GSE1: variants seen among roughly 807,000 people sequenced by gnomAD.
GSE1 encodes Gse1 coiled-coil protein, also known as genetic suppressor element 1.
Under a neutral mutation model 112.6 loss-of-function variants are expected in GSE1, and 32 were observed. That is an observed-to-expected ratio of 0.28 (90% CI 0.21 to 0.38). The LOEUF (loss-of-function observed/expected upper bound fraction) is 0.38, where lower values mean the gene tolerates loss of function less well. Ranked by LOEUF, GSE1 falls within the 10% of genes least tolerant of loss-of-function variation. GSE1 has a pLI of 1.00. For missense variants in GSE1, 2,348 were observed against 1,699.2 expected, an observed-to-expected ratio of 1.38 and a Z score of -6.71; for synonymous variants, 1,115 against 735.6, an observed-to-expected ratio of 1.52 and a Z score of -8.35.
At chr16:85,549,104 A>G (rs960251314) in intron 2 of GSE1, among the ~76,000 whole-genome samples, 1 of 151,818 alleles carries the variant, frequency 6.6e-6, no homozygotes, top group African/African-American at 2.4e-5. Context: ...TCTTAATTGC[A>G]TCTTCACAGA....
upstream of GSE1, among the ~76,000 whole-genome samples, chr16:85,554,445 T>C (rs1300862872): frequency 6.6e-6 from 1 of 152,120 alleles, no homozygotes; most frequent in East Asian, 1.9e-4. Flanking sequence ...AGTAATAGCA[T>C]TTATTAGGTC....
upstream of GSE1, among the ~76,000 whole-genome samples, chr16:85,612,570 C>T (rs1332119156): frequency 6.6e-6 from 1 of 151,972 alleles, no homozygotes; most frequent in Non-Finnish European, 1.5e-5. Context: ...AAAGAACACC[C>T]CCCGCAGCGG....
chr16:85,340,828 G>T (rs1471271778), intron 1 of GSE1, among the ~76,000 whole-genome samples: 1 of 152,146 alleles, frequency 6.6e-6, no homozygotes, highest in Non-Finnish European at 1.5e-5. Flanking sequence ...AGGGTGGGAC[G>T]GTGCGAGGGT....
intron 2 of GSE1, among the ~76,000 whole-genome samples, chr16:85,444,236 G>A (rs2049452914): frequency 1.3e-5 from 2 of 152,154 alleles, no homozygotes; most frequent in Middle Eastern, 3.4e-3. Context: ...CTCCCGCCTC[G>A]GCCTCCCAAA....
intron 2 of GSE1, among the ~76,000 whole-genome samples, chr16:85,441,277 A>C (rs1013147263): frequency 6.6e-6 from 1 of 152,048 alleles, no homozygotes; most frequent in Admixed American, 6.5e-5. Flanking sequence ...CAAAACCAAA[A>C]ATGTCTGCAG....
intron 1 of GSE1, among the ~76,000 whole-genome samples, chr16:85,245,717 A>T (rs1231022858): frequency 6.6e-6 from 1 of 152,190 alleles, no homozygotes; most frequent in African/African-American, 2.4e-5. Flanking sequence ...TTTAATAGAA[A>T]AAAAGTGTCC....
chr16:85,277,250 T>C (rs1909458625), intron 1 of GSE1, among the ~76,000 whole-genome samples: 1 of 152,144 alleles, frequency 6.6e-6, no homozygotes, highest in Non-Finnish European at 1.5e-5. Context: ...GGAGATTTCC[T>C]TCTGGGGTTC....
Position 85,665,985 on chromosome 16 carries a change from C to T in GSE1, c.2768C>T (p.Thr923Met), listed in dbSNP as rs745732258. 88 of 1,613,050 alleles carry T rather than the reference C, an allele frequency of 5.5e-5. No individual in the cohort carries two copies. Among genetic ancestry groups the T allele is most frequent in the East Asian group, 1.8e-4 (8 of 44,884 alleles). The stretch of plus-strand genomic sequence containing the variant: ...ACTTTGTCTCTAAAAGAACCAGCCA[C>T]GCAGCAAGCCTCTCTGGATGTGGAG... Reference protein sequence around the residue: ...SPAVSLSEPATQQASLDVEKP... With the variant: ...SPAVSLSEPAMQQASLDVEKP... Residue 923 changes from threonine to methionine, a missense_variant, in exon 13 of 16, where the codon ACG (threonine) becomes ATG (methionine). Coordinates refer to ENST00000253458, the MANE Select transcript of GSE1 (RefSeq NM_014615.5).
chr16:85,475,678 G>A (rs776719338), intron 2 of GSE1, among the ~76,000 whole-genome samples: 5 of 152,218 alleles, frequency 3.3e-5, no homozygotes, highest in Non-Finnish European at 7.3e-5. Flanking sequence ...AATTTCCCAG[G>A]CCAGGGGCCC....
At chr16:85,428,318 C>T (rs2049039227) in intron 2 of GSE1, among the ~76,000 whole-genome samples, 1 of 152,218 alleles carries the variant, frequency 6.6e-6, no homozygotes, top group African/African-American at 2.4e-5. Context: ...TGAGGGGCAA[C>T]GATGGGCAGA....
At chr16:85,427,894 C>T (rs1185231937) in intron 2 of GSE1, among the ~76,000 whole-genome samples, 1 of 152,240 alleles carries the variant, frequency 6.6e-6, no homozygotes, top group East Asian at 1.9e-4. Flanking sequence ...TATTTCAGCA[C>T]ATGGACAATA....
At chr16:85,331,401 A>ATATG in intron 1 of GSE1, among the ~76,000 whole-genome samples, 1 of 137,114 alleles carries the variant, frequency 7.3e-6, no homozygotes, top group South Asian at 2.3e-4. Context: ...ATGTGTATAT[A>ATATG]TGTATATATA....
intron 1 of GSE1, among the ~76,000 whole-genome samples, chr16:85,211,178 C>T (rs2075218392): frequency 6.6e-6 from 1 of 152,218 alleles, no homozygotes; most frequent in South Asian, 2.1e-4. Context: ...CACCACCCCT[C>T]TGGGAGTTCC....
At chr16:85,342,714 G>A (rs2046650609) in intron 1 of GSE1, among the ~76,000 whole-genome samples, 1 of 152,112 alleles carries the variant, frequency 6.6e-6, no homozygotes, top group Non-Finnish European at 1.5e-5. Context: ...TAAACAGGGA[G>A]CACACCCTAA....
At chr16:85,411,052 C>A (rs575628206) in intron 2 of GSE1, among the ~76,000 whole-genome samples, 3 of 98,110 alleles carry the variant, frequency 3.1e-5, no homozygotes, top group Admixed American at 1.1e-4. Flanking sequence ...TCAGGCCACC[C>A]GGATAATCCT....
intron 2 of GSE1, among the ~76,000 whole-genome samples, chr16:85,427,025 C>T (rs947751378): frequency 1.3e-5 from 2 of 152,160 alleles, no homozygotes; most frequent in African/African-American, 4.8e-5. Flanking sequence ...AGCTATGAGG[C>T]TGTCCCCGCT....
chr16:85,214,093 C>T (rs1480002675), intron 1 of GSE1, among the ~76,000 whole-genome samples: 1 of 152,220 alleles, frequency 6.6e-6, no homozygotes, highest in Admixed American at 6.5e-5. Context: ...TTGGAGTGCA[C>T]AGAGACAGAA....
intron 1 of GSE1, among the ~76,000 whole-genome samples, chr16:85,247,171 A>G (rs1273486072): frequency 6.6e-6 from 1 of 152,092 alleles, no homozygotes; most frequent in African/African-American, 2.4e-5. Context: ...TTCTCTGGTC[A>G]CAAGTGTCCT....
intron 3 of GSE1, among the ~76,000 whole-genome samples, chr16:85,649,795 C>T (rs1003337190): frequency 6.6e-6 from 1 of 152,162 alleles, no homozygotes; most frequent in Non-Finnish European, 1.5e-5. Flanking sequence ...AGGGGAGAGT[C>T]ACTCTTGCCT....
Sources: allele counts gnomAD v4.1 joint callset (sites outside exome capture counted in the v4.1 genomes callset), GRCh38; gene constraint gnomAD v4.1.1; transcripts MANE v1.5; gene names NCBI Gene and HGNC (gene_info 2026-07-23, HGNC 2026-07-21).